Variants in KLF12 observed in about 807,000 individuals in gnomAD.
KLF12 encodes the protein KLF transcription factor 12, also known as Krueppel-like factor 12.
KLF12 carries 9 observed loss-of-function variants against 37.8 expected under a neutral mutation model. That is an observed-to-expected ratio of 0.24 (90% CI 0.14 to 0.42). The LOEUF (loss-of-function observed/expected upper bound fraction) is 0.42, where lower values mean the gene tolerates loss of function less well. Among genes scored for constraint, KLF12 ranks in the 10% least tolerant of loss-of-function variants. The pLI is 1.00. For synonymous variants in KLF12, 208 were observed against 202.1 expected, an observed-to-expected ratio of 1.03 and a Z score of -0.25; for missense variants, 411 against 516.0, an observed-to-expected ratio of 0.80 and a Z score of 1.97.
chr13:73,779,400 C>G (rs1880823275), intron 5 of KLF12, among the ~76,000 whole-genome samples: 1 of 152,140 alleles, frequency 6.6e-6, no homozygotes, highest in South Asian at 2.1e-4. Context: ...AATGAAACCT[C>G]AATAAAACTC....
chr13:74,267,487 G>C, the KLF12 span, among the ~76,000 whole-genome samples: 1 of 152,178 alleles, frequency 6.6e-6, no homozygotes, highest in Admixed American at 6.5e-5. Context: ...GGTACAGAAA[G>C]ACAAATATTG....
At position 73,787,766 on chromosome 13, in the gene KLF12, T is replaced by C. The variant is rs564066718; in HGVS notation, c.807-22766A>G. ...ATACAATGATTTGACTTGGAGACTA[T>C]TTAACAAAATGATTCATAGAAAATA... On this transcript the variant is annotated intron_variant, in intron 5 of 7. Coordinates refer to ENST00000377669, the MANE Select transcript of KLF12 (RefSeq NM_007249.5). 4.9e-4 allele frequency among the ~76,000 whole-genome samples: 75 copies of C among 152,294 alleles called. 1 individual carries two copies. Among genetic ancestry groups the C allele is most frequent in the African/African-American group, 1.8e-3 (73 of 41,562 alleles).
chr13:74,260,559 T>G, the KLF12 span, among the ~76,000 whole-genome samples: 20 of 88,156 alleles, frequency 2.3e-4, no homozygotes, highest in African/African-American at 1.8e-3. Flanking sequence ...GTTTCTAAAA[T>G]AAAATAAAAT....
At chr13:73,979,725 C>G (rs1460862331) in intron 2 of KLF12, among the ~76,000 whole-genome samples, 1 of 152,102 alleles carries the variant, frequency 6.6e-6, no homozygotes, top group Non-Finnish European at 1.5e-5. Context: ...ATATAATAGA[C>G]TACTGTGAAC....
the KLF12 span, among the ~76,000 whole-genome samples, chr13:74,198,674 G>A: frequency 6.6e-6 from 1 of 152,122 alleles, no homozygotes; most frequent in East Asian, 1.9e-4. Flanking sequence ...TTACAAAAAT[G>A]TTGATCTGTA....
At chr13:73,988,852 G>T (rs1292280507) in intron 2 of KLF12, among the ~76,000 whole-genome samples, 1 of 152,186 alleles carries the variant, frequency 6.6e-6, no homozygotes, top group Non-Finnish European at 1.5e-5. Flanking sequence ...ATGAGCACTA[G>T]TAACTACCAG....
intron 4 of KLF12, among the ~76,000 whole-genome samples, chr13:73,820,093 C>A (rs1195131209): frequency 6.6e-6 from 1 of 152,068 alleles, no homozygotes; most frequent in East Asian, 1.9e-4. Flanking sequence ...GGGTACTGAG[C>A]AGAAGGATGA....
chr13:74,135,223 G>C (rs1270059415), upstream of KLF12, among the ~76,000 whole-genome samples: 3 of 152,052 alleles, frequency 2.0e-5, no homozygotes, highest in Non-Finnish European at 4.4e-5. Flanking sequence ...CGCCACCCCA[G>C]CGAAGGGGCC....
intron 1 of KLF12, among the ~76,000 whole-genome samples, chr13:74,023,040 T>C (rs1160290928): frequency 6.6e-6 from 1 of 152,214 alleles, no homozygotes; most frequent in East Asian, 1.9e-4. Context: ...TGGCTAGTTC[T>C]TACTCTTCCC....
At chr13:74,270,167 C>CT in the KLF12 span, among the ~76,000 whole-genome samples, 2 of 151,980 alleles carry the variant, frequency 1.3e-5, no homozygotes, top group African/African-American at 2.4e-5. Context: ...ATAGGAGTGT[C>CT]TTTTTTTTCA....
intron 5 of KLF12, among the ~76,000 whole-genome samples, chr13:73,773,888 G>A (rs936451860): frequency 9.2e-5 from 14 of 151,968 alleles, no homozygotes; most frequent in African/African-American, 3.4e-4. Flanking sequence ...GCCCCACCTA[G>A]TTTACTCCTA....
At chr13:73,888,862 G>T (rs949839676) in intron 3 of KLF12, among the ~76,000 whole-genome samples, 1 of 152,164 alleles carries the variant, frequency 6.6e-6, no homozygotes, top group Non-Finnish European at 1.5e-5. Flanking sequence ...ACCTATGGAG[G>T]CTCCACTGCA....
intron 3 of KLF12, among the ~76,000 whole-genome samples, chr13:73,925,489 A>C (rs987297267): frequency 6.6e-6 from 1 of 152,224 alleles, no homozygotes; most frequent in Non-Finnish European, 1.5e-5. Flanking sequence ...TCAGAACACA[A>C]GATTCCTTGC....
At chr13:74,292,236 T>C in the KLF12 span, among the ~76,000 whole-genome samples, 2 of 152,160 alleles carry the variant, frequency 1.3e-5, no homozygotes, top group Admixed American at 1.3e-4. Flanking sequence ...ACAAGGGCCT[T>C]TGGTGTCAGA....
At chr13:74,104,617 T>C (rs553378440) in intron 1 of KLF12, among the ~76,000 whole-genome samples, 32 of 152,352 alleles carry the variant, frequency 2.1e-4, no homozygotes, top group African/African-American at 7.5e-4. Flanking sequence ...TCGCTTGAGA[T>C]AGTATACAAT....
chr13:73,724,957 A>G (rs1876549883), intron 6 of KLF12, among the ~76,000 whole-genome samples: 1 of 151,122 alleles, frequency 6.6e-6, no homozygotes, highest in South Asian at 2.1e-4. Context: ...GATAGTTAGA[A>G]CTACACACTT....
chr13:74,304,781 G>T, the KLF12 span, among the ~76,000 whole-genome samples: 2 of 152,000 alleles, frequency 1.3e-5, no homozygotes, highest in Non-Finnish European at 2.9e-5. Context: ...TAGAGAAAAG[G>T]AGCTTGCAAG....
At chr13:74,275,764 C>A in the KLF12 span, among the ~76,000 whole-genome samples, 3 of 150,774 alleles carry the variant, frequency 2.0e-5, no homozygotes, top group Non-Finnish European at 3.0e-5. Context: ...AGGTGCACGC[C>A]ATTATGCCTG....
intron 3 of KLF12, among the ~76,000 whole-genome samples, chr13:73,907,032 G>A (rs1341274876): frequency 6.6e-6 from 1 of 152,134 alleles, no homozygotes; most frequent in African/African-American, 2.4e-5. Flanking sequence ...TGGTAAGGGG[G>A]ACAGTAGAAG....
Sources: gnomAD v4.1 joint callset for allele counts (sites outside exome capture counted in the v4.1 genomes callset) on GRCh38, gnomAD v4.1.1 for gene constraint, MANE v1.5 for transcripts, NCBI Gene and HGNC (gene_info 2026-07-23, HGNC 2026-07-21) for gene names.